Variants in RTL3 observed in about 807,000 individuals in gnomAD.
RTL3 encodes the protein retrotransposon Gag like 3.
For missense variants in RTL3, 468 were observed against 341.8 expected, an observed-to-expected ratio of 1.37 and a Z score of -2.91; for synonymous variants, 181 against 132.2, an observed-to-expected ratio of 1.37 and a Z score of -2.53.
Position 78,657,301 on chromosome X carries a change from A to G in RTL3, c.1120T>C (p.Ser374Pro), listed in dbSNP as rs1324469476. ...GLASSIQDEL[S>P]HTSPATNLSD... ...AGGTTGGTGGCTGGGCTTGTGTGAG[A>G]CAGTTCATCTTGTATAGAACTGGCA... The change falls in exon 2 of 2, where the codon TCT becomes CCT. Residue 374 changes from serine (S) to proline (P), a missense_variant. Physicochemically the swap from Ser to Pro is moderately conservative, Grantham distance 74. Coordinates refer to ENST00000321110, the MANE Select transcript of RTL3 (RefSeq NM_152694.3). The G allele has an allele frequency of 1.7e-6, 2 of 1,211,528 alleles. No homozygotes were observed. Among genetic ancestry groups the G allele is most frequent in the Non-Finnish European group, 1.1e-6 (1 of 895,450 alleles).
In RTL3 at chrX:78,656,657, G is replaced by A. The variant is rs951646101; in HGVS notation, c.*336C>T. The A allele has an allele frequency of 1.3e-5, 3 of 226,407 alleles. No homozygotes were observed. The highest frequency in any genetic ancestry group is 2.4e-5 in the Non-Finnish European group (3 of 125,655). The allele number at this position is 226,407 out of a possible 1,213,427, so 18.7% of individuals were successfully genotyped here. On this transcript the variant is annotated 3_prime_UTR_variant, in exon 2 of 2. Transcript: ENST00000321110. ...TGGATTCCAATAATCAGAGGGTATCGTGGTGCATGAATAATGTCAAACTGG... is the reference window on the plus strand; with the variant it reads ...TGGATTCCAATAATCAGAGGGTATCATGGTGCATGAATAATGTCAAACTGG...
In RTL3 at chrX:78,656,957, A is replaced by G; in HGVS notation, c.*36T>C. 2.6e-6 allele frequency: 3 copies of G among 1,137,645 alleles called. No homozygotes were observed. The highest frequency in any genetic ancestry group is 4.0e-5 in the South Asian group (2 of 50,025). 93.8% of individuals were successfully genotyped at this position (1,137,645 alleles called of 1,213,427 possible). On this transcript the variant is annotated 3_prime_UTR_variant, in exon 2 of 2. Coordinates refer to ENST00000321110, the MANE Select transcript of RTL3 (RefSeq NM_152694.3). ...GACATGGATATTGGAAGAGAGGGGG[A>G]CGCATATTTGTAGATTGGCCCACGT...
At position 78,658,366 on chromosome X, in the gene RTL3, G is replaced by C; in HGVS notation, c.55C>G (p.Arg19Gly). Residue 19 changes from arginine (R) to glycine (G), a missense_variant, in exon 2 of 2, where the codon CGG (arginine) becomes GGG (glycine). Physicochemically the swap from Arg to Gly is moderately radical, Grantham distance 125. Transcript: ENST00000321110. ...ATCAGCCACTGCACTTGAGCCTGCC[G>C]AATTTCATTCTCCAATTTCAGAACA... is the stretch of plus-strand genomic sequence containing the variant. Reference protein sequence around the residue: ...YIVLKLENEIRQAQVQWLMEE... With the variant: ...YIVLKLENEIGQAQVQWLMEE... 1 of 1,208,332 alleles carries C rather than the reference G, an allele frequency of 8.3e-7. No individual in the cohort carries two copies. The highest frequency in any genetic ancestry group is 3.0e-5 in the East Asian group (1 of 33,718).
chrX:78,657,864 G>A lies in RTL3; in HGVS notation c.557C>T (p.Pro186Leu), dbSNP rs1923042380. 1 of 1,207,473 alleles carries A rather than the reference G, an allele frequency of 8.3e-7. No homozygotes were observed. Among genetic ancestry groups the A allele is most frequent in the Non-Finnish European group, 1.1e-6 (1 of 894,018 alleles). The change falls in exon 2 of 2, where the codon CCA (proline) becomes CTA (leucine). Residue 186 changes from proline to leucine, a missense_variant. Coordinates refer to ENST00000321110, the MANE Select transcript of RTL3 (RefSeq NM_152694.3). ...TAAQLEFLEL[P>L]PPQEPLEPSN... ...AGGCTCCAGAGGCTCCTGGGGAGGTGGAAGCTCAAGGAACTCTAGCTGTGC... is the reference window on the plus strand; with the variant it reads ...AGGCTCCAGAGGCTCCTGGGGAGGTAGAAGCTCAAGGAACTCTAGCTGTGC...
At position 78,657,742 on chromosome X, in the gene RTL3, C is replaced by T. The variant is rs762575971; in HGVS notation, c.679G>A (p.Ala227Thr). The change falls in exon 2 of 2, where the codon GCC becomes ACC. Residue 227 changes from alanine (A) to threonine (T), a missense_variant. Ala to Thr is a moderately conservative substitution (Grantham distance 58). Coordinates refer to ENST00000321110, the MANE Select transcript of RTL3 (RefSeq NM_152694.3). The part of the protein sequence containing the change: ...ETSAASEFPQ[A>T]PIGLEATDFP... ...TCTGTAGCCTCTAACCCAATAGGGG[C>T]CTGTGGAAACTCTGAAGCTGCTGAT... 2 of 1,211,340 alleles carry T rather than the reference C, an allele frequency of 1.7e-6. No homozygotes were observed. Among genetic ancestry groups the T allele is most frequent in the East Asian group, 3.0e-5 (1 of 33,803 alleles).
Position 78,658,517 on chromosome X carries a change from T to C in RTL3, c.-97A>G. On this transcript the variant is annotated 5_prime_UTR_variant, in exon 2 of 2. Coordinates refer to ENST00000321110, the MANE Select transcript of RTL3 (RefSeq NM_152694.3). The stretch of plus-strand genomic sequence containing the variant: ...CCTGAAAGCTGCTTACAGGCAGATG[T>C]CAGGCTCAGTGAGTTTTCCAAGGGG... 1 of 864,786 alleles carries C rather than the reference T, an allele frequency of 1.2e-6. No homozygotes were observed. Among genetic ancestry groups the C allele is most frequent in the Non-Finnish European group, 1.6e-6 (1 of 634,007 alleles). 71.3% of individuals were successfully genotyped at this position (864,786 alleles called of 1,213,427 possible). A position where few individuals can be genotyped will look rare whatever the true frequency, so the allele number is the denominator to read the frequency against.
In RTL3 at chrX:78,657,414, T is replaced by TC. The variant is rs748229681; in HGVS notation, c.1006dup (p.Glu336GlyfsTer19). ...GTGGAAGTGGGTTGCTACATGACCCTCCCCTTGGCAGAGTTGATGGATGCA... is the reference window on the plus strand; with the variant it reads ...GTGGAAGTGGGTTGCTACATGACCCTCCCCCTTGGCAGAGTTGATGGATGCA... On this transcript the variant is annotated frameshift_variant, in exon 2 of 2. Coordinates refer to ENST00000321110, the MANE Select transcript of RTL3 (RefSeq NM_152694.3). LOFTEE classifies it low-confidence loss of function (END_TRUNC). 5 of 1,211,687 alleles carry TC rather than the reference T, an allele frequency of 4.1e-6. No individual in the cohort carries two copies. The highest frequency in any genetic ancestry group is 3.4e-6 in the Non-Finnish European group (3 of 895,426).
Position 78,656,943 on chromosome X carries a change from T to C in RTL3, c.*50A>G. Reference sequence around the variant, plus strand: ...GCCATAGTGTATGAGACATGGATATTGGAAGAGAGGGGGACGCATATTTGT... The same window carrying C: ...GCCATAGTGTATGAGACATGGATATCGGAAGAGAGGGGGACGCATATTTGT... On this transcript the variant is annotated 3_prime_UTR_variant, in exon 2 of 2. Coordinates refer to ENST00000321110, the MANE Select transcript of RTL3 (RefSeq NM_152694.3). 2 of 1,099,542 alleles carry C rather than the reference T, an allele frequency of 1.8e-6. No homozygotes were observed. Among genetic ancestry groups the C allele is most frequent in the Non-Finnish European group, 2.4e-6 (2 of 819,860 alleles). The allele number at this position is 1,099,542 out of a possible 1,213,427, so 90.6% of individuals were successfully genotyped here.
rs772529729 is a variant in RTL3, at chrX:78,658,155, G to A, written c.266C>T (p.Pro89Leu). The A allele has an allele frequency of 8.5e-7, 1 of 1,169,885 alleles. No individual in the cohort carries two copies. The highest frequency in any genetic ancestry group is 2.7e-5 in the Admixed American group (1 of 37,385). The part of the protein sequence containing the change: ...TPEFKEPQKP[P>L]EPQDLLPWEP... ...CCAGGGTAGAAGATCCTGTGGCTCT[G>A]GTGGCTTCTGGGGTTCCTTGAACTC... The change falls in exon 2 of 2, where the codon CCA becomes CTA. Residue 89 changes from proline to leucine, a missense_variant. Transcript: ENST00000321110.
intron 1 of RTL3, 128 bp from the exon 2 acceptor site, chrX:78,658,776 G>A (rs889874104): frequency 6.9e-6 from 1 of 145,029 alleles, no homozygotes; most frequent in Non-Finnish European, 1.4e-5. Flanking sequence ...GGGTATATAT[G>A]CTGGATCTGA....
In RTL3 at chrX:78,657,724, C is replaced by G; in HGVS notation, c.697G>C (p.Ala233Pro). Residue 233 changes from alanine to proline, a missense_variant, in exon 2 of 2, where the codon GCT (alanine) becomes CCT (proline). Ala to Pro is a conservative substitution (Grantham distance 27). Coordinates refer to ENST00000321110, the MANE Select transcript of RTL3 (RefSeq NM_152694.3). ...EFPQAPIGLE[A>P]TDFPLQYTLT... is the part of the protein sequence containing the mutation. ...GTGTATTGCAGGGGGAAATCTGTAG[C>G]CTCTAACCCAATAGGGGCCTGTGGA... The G allele has an allele frequency of 8.3e-7, 1 of 1,211,114 alleles. No homozygotes were observed. The highest frequency in any genetic ancestry group is 1.1e-6 in the Non-Finnish European group (1 of 895,321).
rs777505752 is a variant in RTL3 at position 78,658,236 on chromosome X, T to C, written c.185A>G (p.Gln62Arg). The change falls in exon 2 of 2, where the codon CAG becomes CGG. Residue 62 changes from glutamine (Q) to arginine (R), a missense_variant. Physicochemically the swap from Gln to Arg is conservative, Grantham distance 43. Transcript: ENST00000321110. Reference sequence around the variant, plus strand: ...GGGATTCATGTGCTCTGGGAGCTTCTGGGGCTCCTTGGCCTCTGAGGACTT... The same window carrying C: ...GGGATTCATGTGCTCTGGGAGCTTCCGGGGCTCCTTGGCCTCTGAGGACTT... ...LRKSSEAKEP[Q>R]KLPEHMNPPA... 6.6e-6 allele frequency: 8 copies of C among 1,207,183 alleles called. No individual in the cohort carries two copies. Among genetic ancestry groups the C allele is most frequent in the Middle Eastern group, 2.3e-4 (1 of 4,361 alleles).
chrX:78,657,542 G>C lies in RTL3; in HGVS notation c.879C>G (p.Leu293=), dbSNP rs1460236649. 5.0e-6 allele frequency: 6 copies of C among 1,207,233 alleles called. No homozygotes were observed. Among genetic ancestry groups the C allele is most frequent in the Admixed American group, 2.2e-5 (1 of 45,608 alleles). ...FSGRAGWWFQ[L]LLDIQSPLLE... ...GTAAGGGGCTTTGGATATCCAGTAA[G>C]AGCTGGAACCACCATCCTGCCCTAC... Residue 293 remains leucine, a synonymous_variant, in exon 2 of 2, where the codon CTC becomes CTG. Coordinates refer to ENST00000321110, the MANE Select transcript of RTL3 (RefSeq NM_152694.3).
At chrX:78,658,731 G>T in intron 1 of RTL3, 83 bp from the exon 2 acceptor site, 1 of 190,569 alleles carries the variant, frequency 5.2e-6, no homozygotes, top group Non-Finnish European at 1.0e-5. Context: ...AACAATGCTG[G>T]GTTTCTTTTA....
Position 78,656,860 on chromosome X carries a change from G to A in RTL3, c.*133C>T. The stretch of plus-strand genomic sequence containing the variant: ...ATCAATGCTGTTTCTGTAGGAGCCT[G>A]AATCTACCATTGCTTGCTCAAAGAA... On this transcript the variant is annotated 3_prime_UTR_variant, in exon 2 of 2. Transcript: ENST00000321110. The A allele has an allele frequency of 7.1e-6, 5 of 700,892 alleles. No individual in the cohort carries two copies. Among genetic ancestry groups the A allele is most frequent in the Non-Finnish European group, 1.0e-5 (5 of 490,500 alleles). The allele number at this position is 700,892 out of a possible 1,213,427, so 57.8% of individuals were successfully genotyped here.
In RTL3 at chrX:78,658,615, C is replaced by T; in HGVS notation, c.-195G>A. On this transcript the variant is annotated 5_prime_UTR_variant, in exon 2 of 2. Coordinates refer to ENST00000321110, the MANE Select transcript of RTL3 (RefSeq NM_152694.3). ...CCTCCGGAGCTCGGCAAGAAGGAGC[C>T]TCCGGAGCTCAGTAAGGGGAAGTGT... 1 of 374,451 alleles carries T rather than the reference C, an allele frequency of 2.7e-6. No individual in the cohort carries two copies. Among genetic ancestry groups the T allele is most frequent in the Non-Finnish European group, 4.7e-6 (1 of 212,836 alleles). 30.9% of individuals were successfully genotyped at this position (374,451 alleles called of 1,213,427 possible).
chrX:78,657,051 T>C lies in RTL3; in HGVS notation c.1370A>G (p.Asp457Gly), dbSNP rs988370587. Reference sequence around the variant, plus strand: ...GGCCTGATGAGGCTTGACAGGGCAATCTCTGGCAAAATGACCAGGATAACC... The same window carrying C: ...GGCCTGATGAGGCTTGACAGGGCAACCTCTGGCAAAATGACCAGGATAACC... ...YCGYPGHFAR[D>G]CPVKPHQALQ... is the part of the protein sequence containing the mutation. The change falls in exon 2 of 2, where the codon GAT becomes GGT. Residue 457 changes from aspartate (D) to glycine (G), a missense_variant. Asp to Gly is a moderately conservative substitution (Grantham distance 94). Transcript: ENST00000321110. The C allele has an allele frequency of 8.3e-7, 1 of 1,212,051 alleles. No individual in the cohort carries two copies. The highest frequency in any genetic ancestry group is 3.0e-5 in the East Asian group (1 of 33,815).
At position 78,657,744 on chromosome X, in the gene RTL3, T is replaced by A; in HGVS notation, c.677A>T (p.Gln226Leu). The change falls in exon 2 of 2, where the codon CAG becomes CTG. Residue 226 changes from glutamine to leucine, a missense_variant. Transcript: ENST00000321110. Reference sequence around the variant, plus strand: ...TGTAGCCTCTAACCCAATAGGGGCCTGTGGAAACTCTGAAGCTGCTGATGT... The same window carrying A: ...TGTAGCCTCTAACCCAATAGGGGCCAGTGGAAACTCTGAAGCTGCTGATGT... The part of the protein sequence containing the change: ...VETSAASEFP[Q>L]APIGLEATDF... 1 of 1,211,579 alleles carries A rather than the reference T, an allele frequency of 8.3e-7. No homozygotes were observed. The highest frequency in any genetic ancestry group is 1.1e-6 in the Non-Finnish European group (1 of 895,454).
chrX:78,657,222 G>T lies in RTL3; in HGVS notation c.1199C>A (p.Pro400Gln). Residue 400 changes from proline to glutamine, a missense_variant, in exon 2 of 2, where the codon CCA (proline) becomes CAA (glutamine). Pro to Gln is a moderately conservative substitution (Grantham distance 76). Coordinates refer to ENST00000321110, the MANE Select transcript of RTL3 (RefSeq NM_152694.3). ...CTCTGCAGAGGAACTTTTCCCTAATGGATTGGGATCAGGCTTCTCTTCCAG... is the reference window on the plus strand; with the variant it reads ...CTCTGCAGAGGAACTTTTCCCTAATTGATTGGGATCAGGCTTCTCTTCCAG... ...ISLEEKPDPN[P>Q]LGKSSSAEGD... 3 of 1,212,203 alleles carry T rather than the reference G, an allele frequency of 2.5e-6. No individual in the cohort carries two copies. Among genetic ancestry groups the T allele is most frequent in the Non-Finnish European group, 3.3e-6 (3 of 895,596 alleles).
Sources: allele counts gnomAD v4.1 joint callset, GRCh38; gene constraint gnomAD v4.1.1; transcripts MANE v1.5; gene names NCBI Gene and HGNC (gene_info 2026-07-23, HGNC 2026-07-21).